Variants in DLEU7 observed in about 807,000 individuals in gnomAD.
DLEU7 encodes deleted in lymphocytic leukemia 7.
DLEU7 carries 17 observed loss-of-function variants against 16.0 expected under a neutral mutation model. The observed-to-expected ratio is 1.06, with a 90% CI of 0.73 to 1.59. The LOEUF (loss-of-function observed/expected upper bound fraction) is 1.59, where lower values mean the gene tolerates loss of function less well. Ranked by LOEUF, DLEU7 falls within the 40% of genes most tolerant of loss-of-function variation. The probability of loss-of-function intolerance (pLI) is 0.00; values close to 1 mark genes in which losing one functional copy is unlikely to be tolerated. For synonymous variants in DLEU7, 113 were observed against 139.8 expected (o/e 0.81, Z 1.35); for missense variants, 308 against 314.9 (o/e 0.98, Z 0.17).
intron 1 of DLEU7, among the ~76,000 whole-genome samples, chr13:50,761,274 T>G (rs1207795897): frequency 1.3e-5 from 2 of 152,146 alleles, no homozygotes; most frequent in Non-Finnish European, 2.9e-5. Flanking sequence ...CAGGAAGGTG[T>G]CAGCTGAAGT....
rs1281872010 is a variant in DLEU7, at chr13:50,843,460, G to T, written c.187C>A (p.Pro63Thr). The T allele has an allele frequency of 3.0e-6, 4 of 1,325,092 alleles. No homozygotes were observed. The Admixed American group carries it at 1.3e-4, about 42-fold the overall frequency. The allele number at this position is 1,325,092 out of a possible 1,614,324, so 82.1% of individuals were successfully genotyped here. A position where few individuals can be genotyped will look rare whatever the true frequency, so the allele number is the denominator to read the frequency against. The change falls in exon 1 of 2, where the codon CCC (proline) becomes ACC (threonine). Residue 63 changes from proline (P) to threonine (T), a missense_variant. Physicochemically the swap from Pro to Thr is conservative, Grantham distance 38. Coordinates refer to ENST00000504404, the MANE Select transcript of DLEU7 (RefSeq NM_001306135.2). This position sits in a 1 kb window ranked among gnomAD's most constrained non-coding sequence, Gnocchi z 5.7. ...RSGPPRARPGPGREERGGGVG... is the reference protein window; with the variant it reads ...RSGPPRARPGTGREERGGGVG... ...CCCCCGCCCCGCTCCTCGCGCCCGG[G>T]CCCCGGCCGGGCCCGCGGCGGGCCT...
At chr13:50,790,711 C>T (rs1875932082) in intron 1 of DLEU7, among the ~76,000 whole-genome samples, 1 of 152,064 alleles carries the variant, frequency 6.6e-6, no homozygotes, top group Non-Finnish European at 1.5e-5. Context: ...CTCTGTTCAA[C>T]CCAATGCTGT....
chr13:50,721,068 C>CAATCT (rs1873593070), intron 1 of DLEU7, among the ~76,000 whole-genome samples: 1 of 152,144 alleles, frequency 6.6e-6, no homozygotes, highest in African/African-American at 2.4e-5. Context: ...TGAGTGGGCA[C>CAATCT]AATCTAATCA....
intron 1 of DLEU7, among the ~76,000 whole-genome samples, chr13:50,774,433 T>G (rs79242460): frequency 0.022 from 3,287 of 152,306 alleles, 109 homozygotes; most frequent in African/African-American, 0.073. Flanking sequence ...TAAAGATATT[T>G]TTCCATGTCT....
exon 2 of DLEU7, chr13:50,712,176 G>A (rs1196619940): frequency 6.6e-6 from 1 of 152,106 alleles, no homozygotes; most frequent in African/African-American, 2.4e-5. Context: ...AACAACTTCT[G>A]GGCCAAGTGC....
At chr13:50,789,410 CT>C (rs1454470685) in intron 1 of DLEU7, among the ~76,000 whole-genome samples, 1 of 145,016 alleles carries the variant, frequency 6.9e-6, no homozygotes, top group Non-Finnish European at 1.5e-5. Context: ...GAAAATGGAA[CT>C]TGACATACTA....
chr13:50,747,067 A>C (rs1251596325), intron 1 of DLEU7, among the ~76,000 whole-genome samples: 1 of 152,238 alleles, frequency 6.6e-6, no homozygotes, highest in Non-Finnish European at 1.5e-5. Context: ...GGTAATGATA[A>C]TAAGAACCAG....
Position 50,830,208 on chromosome 13 carries a change from A to G in DLEU7, c.460-6688T>C, listed in dbSNP as rs557086699. Among the ~76,000 whole-genome samples the G allele has an allele frequency of 3.9e-5, 6 of 152,340 alleles. No homozygotes were observed. In the South Asian group the frequency reaches 1.2e-3, roughly 32 times the overall value. ...TGTATTGATTACTACAGCAGTCCAA[A>G]TTGATGGCCAGCATTTACATTTTTA... is the stretch of plus-strand genomic sequence containing the variant. On this transcript the variant is annotated intron_variant, in intron 1 of 1. Coordinates refer to ENST00000504404, the MANE Select transcript of DLEU7 (RefSeq NM_001306135.2).
chr13:50,778,221 G>C (rs566315989), intron 1 of DLEU7, among the ~76,000 whole-genome samples: 14 of 152,128 alleles, frequency 9.2e-5, no homozygotes, highest in Non-Finnish European at 2.1e-4. Flanking sequence ...GAGAGCAAAG[G>C]GGGAACTGGC....
intron 1 of DLEU7, among the ~76,000 whole-genome samples, chr13:50,757,111 G>A (rs1874785555): frequency 6.6e-6 from 1 of 152,188 alleles, no homozygotes; most frequent in East Asian, 1.9e-4. Flanking sequence ...GCTTCTTTCA[G>A]AGGGTCTGTG....
chr13:50,769,739 C>A (rs1875238006), intron 1 of DLEU7, among the ~76,000 whole-genome samples: 2 of 152,238 alleles, frequency 1.3e-5, no homozygotes, highest in African/African-American at 4.8e-5. Context: ...CAGCTTTGTT[C>A]TTTAGGCTTA....
downstream of DLEU7, among the ~76,000 whole-genome samples, chr13:50,819,464 A>G (rs1248466545): frequency 1.3e-5 from 2 of 152,162 alleles, no homozygotes; most frequent in African/African-American, 4.8e-5. Context: ...AGAATAGACT[A>G]TAGAGAGCAG....
At chr13:50,802,513 G>A (rs1269613985) in intron 1 of DLEU7, among the ~76,000 whole-genome samples, 1 of 152,172 alleles carries the variant, frequency 6.6e-6, no homozygotes, top group Admixed American at 6.5e-5. Context: ...CAACAGCTAT[G>A]TTGAGAAATA....
chr13:50,713,265 TC>T, intron 1 of DLEU7: 3 of 1,605,044 alleles, frequency 1.9e-6, no homozygotes, highest in Non-Finnish European at 2.6e-6. Context: ...GCATAATATC[TC>T]AAATGCTTGC....
chr13:50,796,325 A>AAC (rs1478250436), intron 1 of DLEU7, among the ~76,000 whole-genome samples: 1 of 152,148 alleles, frequency 6.6e-6, no homozygotes, highest in Non-Finnish European at 1.5e-5. Context: ...GGGTTATTTG[A>AAC]ACACAAGCAC....
chr13:50,804,602 C>T (rs1876339031), intron 1 of DLEU7, among the ~76,000 whole-genome samples: 1 of 151,904 alleles, frequency 6.6e-6, no homozygotes, highest in South Asian at 2.1e-4. Context: ...CACCACCACA[C>T]CCAGCTATTT....
At chr13:50,789,945 C>CTTTCT (rs796453368) in intron 1 of DLEU7, among the ~76,000 whole-genome samples, 12 of 70,310 alleles carry the variant, frequency 1.7e-4, no homozygotes, top group East Asian at 9.9e-4. Flanking sequence ...TTCTTTCTTT[C>CTTTCT]TTTTTTTTTT....
intron 1 of DLEU7, among the ~76,000 whole-genome samples, chr13:50,796,528 T>C (rs1876113495): frequency 6.6e-6 from 1 of 152,198 alleles, no homozygotes; most frequent in Non-Finnish European, 1.5e-5. Context: ...TGTTCATTTC[T>C]GCAATTTTCC....
At chr13:50,724,862 G>A (rs1873724534) in intron 1 of DLEU7, among the ~76,000 whole-genome samples, 1 of 152,060 alleles carries the variant, frequency 6.6e-6, no homozygotes, top group East Asian at 1.9e-4. Flanking sequence ...TGACTCTGAG[G>A]GTCCCATGCC....
Sources: allele counts gnomAD v4.1 joint callset (sites outside exome capture counted in the v4.1 genomes callset), GRCh38; gene constraint gnomAD v4.1.1; non-coding constraint Gnocchi (gnomAD v3.1); transcripts MANE v1.5; gene names NCBI Gene and HGNC (gene_info 2026-07-23, HGNC 2026-07-21).